The following NSMAF variants were observed in gnomAD, a reference collection of about 807,000 sequenced individuals.
The protein encoded by NSMAF is protein FAN.
Under a neutral mutation model 134.9 loss-of-function variants are expected in NSMAF, and 90 were observed. The ratio of observed to expected loss-of-function variants is 0.67; its 90% confidence interval spans 0.56 to 0.79. NSMAF has a LOEUF of 0.79. NSMAF is among the 30% of genes least tolerant of loss of function. The pLI, the probability that NSMAF is intolerant of heterozygous loss-of-function variation, is 0.00. For missense variants in NSMAF, 1,010 were observed against 1,119.0 expected (o/e 0.90, Z 1.39); for synonymous variants, 358 against 389.6 (o/e 0.92, Z 0.96).
Position 58,584,099 on chromosome 8 carries a change from A to C in NSMAF, c.*7T>G. The C allele has an allele frequency of 6.2e-7, 1 of 1,601,226 alleles. No homozygotes were observed. Among genetic ancestry groups the C allele is most frequent in the Non-Finnish European group, 8.6e-7 (1 of 1,168,250 alleles). ...TTCAATTTAATATTCAGGAGAGGAA[A>C]AGGCACTTAATACTGCAATTTCCAG... On this transcript the variant is annotated 3_prime_UTR_variant, in exon 31 of 31. Coordinates refer to ENST00000038176, the MANE Select transcript of NSMAF (RefSeq NM_003580.4).
chr8:58,659,369 T>C, intron 1 of NSMAF: 1 of 1,523,866 alleles, frequency 6.6e-7, no homozygotes, highest in Non-Finnish European at 8.8e-7. Context: ...CCCGGCAGGC[T>C]CCGGCCCAGA....
At chr8:58,636,037 T>A (rs1227410164) in intron 2 of NSMAF, among the ~76,000 whole-genome samples, 2 of 152,260 alleles carry the variant, frequency 1.3e-5, no homozygotes, top group Non-Finnish European at 2.9e-5. Flanking sequence ...CAATTCTTTC[T>A]CAAAGGGTTT....
Position 58,641,415 on chromosome 8 carries a change from C to T in NSMAF, c.149+1569G>A, listed in dbSNP as rs187746337. ...TTGTTCTTCTGATCCTTCCCCTCTTCTGTGTAGATAACTGTCTCCACTAGC... is the reference window on the plus strand; with the variant it reads ...TTGTTCTTCTGATCCTTCCCCTCTTTTGTGTAGATAACTGTCTCCACTAGC... On this transcript the variant is annotated intron_variant, in intron 2 of 30. Transcript: ENST00000038176. Among the ~76,000 whole-genome samples the T allele has an allele frequency of 1.6e-3, 247 of 152,322 alleles. 1 individual carries two copies. Among genetic ancestry groups the T allele is most frequent in the Middle Eastern group, 6.8e-3 (2 of 294 alleles).
intron 24 of NSMAF, 110 bp downstream of exon 24, chr8:58,590,757 C>T (rs1458545720): frequency 3.8e-5 from 45 of 1,169,744 alleles, no homozygotes; most frequent in Middle Eastern, 5.4e-4. Context: ...AGATTTACTA[C>T]ACAGGAATAA....
At chr8:58,596,135 A>G (rs1184909279) in intron 21 of NSMAF, among the ~76,000 whole-genome samples, 1 of 152,214 alleles carries the variant, frequency 6.6e-6, no homozygotes, top group Non-Finnish European at 1.5e-5. Context: ...TCTTAAAACA[A>G]TCACATGACA....
At position 58,635,225 on chromosome 8, in the gene NSMAF, C is replaced by T. The variant is rs1160413185; in HGVS notation, c.297G>A (p.Lys99=). 5 of 1,611,676 alleles carry T rather than the reference C, an allele frequency of 3.1e-6. No homozygotes were observed. The highest frequency in any genetic ancestry group is 1.3e-5 in the African/African-American group (1 of 74,792). The part of the protein sequence containing the change: ...GENGANRHFT[K]AKSGGISLIF... ...TGAGTGAAATACCCCCAGATTTTGC[C>T]CTAAAATACAGATAAAAGTCATTAA... The change falls in exon 5 of 31, where the codon AAG becomes AAA. Residue 99 remains lysine, a splice_region_variant and synonymous_variant. Transcript: ENST00000038176.
At chr8:58,607,444 C>T (rs1055311335) in intron 11 of NSMAF, among the ~76,000 whole-genome samples, 6 of 152,234 alleles carry the variant, frequency 3.9e-5, no homozygotes, top group African/African-American at 1.4e-4. Flanking sequence ...GAGGCAAGTA[C>T]AGCACAGGGT....
intron 9 of NSMAF, among the ~76,000 whole-genome samples, chr8:58,618,722 T>C (rs748631801): frequency 6.6e-6 from 1 of 152,210 alleles, no homozygotes; most frequent in Non-Finnish European, 1.5e-5. Flanking sequence ...GCCTTCATTG[T>C]ATTAGCGTTT....
intron 2 of NSMAF, 80 bp from the exon 3 acceptor site, chr8:58,635,626 G>C: frequency 1.2e-6 from 1 of 837,522 alleles, no homozygotes; most frequent in Non-Finnish European, 1.9e-6. Flanking sequence ...TAACTAGAAA[G>C]CAGGTTACTA....
chr8:58,607,481 G>A (rs1007567151), intron 11 of NSMAF, among the ~76,000 whole-genome samples: 2 of 152,248 alleles, frequency 1.3e-5, no homozygotes, highest in Admixed American at 1.3e-4. Context: ...ATTCTAGCCT[G>A]AGCCCAGAAA....
chr8:58,612,265 T>A (rs1255322200), intron 9 of NSMAF, among the ~76,000 whole-genome samples: 2 of 152,136 alleles, frequency 1.3e-5, no homozygotes, highest in Non-Finnish European at 2.9e-5. Flanking sequence ...ACTGAGTTAA[T>A]ATTTGACTAT....
At chr8:58,627,996 C>T (rs1806974784) in intron 6 of NSMAF, among the ~76,000 whole-genome samples, 1 of 152,156 alleles carries the variant, frequency 6.6e-6, no homozygotes, top group Non-Finnish European at 1.5e-5. Flanking sequence ...TACTACAATG[C>T]TATAGTTACC....
At chr8:58,631,645 CATT>C in intron 5 of NSMAF, 99 bp from the exon 6 acceptor site, 1 of 633,950 alleles carries the variant, frequency 1.6e-6, no homozygotes, top group Non-Finnish European at 2.6e-6. Flanking sequence ...AGTTTTAAAT[CATT>C]GTTATATAAT....
intron 2 of NSMAF, among the ~76,000 whole-genome samples, chr8:58,642,608 A>T (rs1314094981): frequency 6.6e-6 from 1 of 152,202 alleles, no homozygotes; most frequent in Non-Finnish European, 1.5e-5. Context: ...GATGCAACAA[A>T]AAAATGATGG....
Position 58,602,046 on chromosome 8 carries a change from A to G in NSMAF, c.1125+12T>C, listed in dbSNP as rs1266701246. On this transcript the variant is annotated intron_variant, in intron 14 of 30. Coordinates refer to ENST00000038176, the MANE Select transcript of NSMAF (RefSeq NM_003580.4). ...TGTTGCTTAGAAACCAAGAATCTCT[A>G]AGTCCACATACCAGTAGTCTCTCCA... 1.2e-6 allele frequency: 2 copies of G among 1,602,198 alleles called. No individual in the cohort carries two copies. The highest frequency in any genetic ancestry group is 2.7e-5 in the African/African-American group (2 of 74,426).
Position 58,583,793 on chromosome 8 carries a change from C to A in NSMAF, c.*313G>T. On this transcript the variant is annotated 3_prime_UTR_variant, in exon 31 of 31. Transcript: ENST00000038176. ...TGTTCAGTGCTTTCTGACAAGTTTC[C>A]CCAGCCCAATTTATCTCTTAGCTAT... 1 of 296,326 alleles carries A rather than the reference C, an allele frequency of 3.4e-6. No homozygotes were observed. Among genetic ancestry groups the A allele is most frequent in the Non-Finnish European group, 6.3e-6 (1 of 158,060 alleles). 18.4% of individuals were successfully genotyped at this position (296,326 alleles called of 1,614,324 possible).
chr8:58,596,314 T>G (rs986184946), intron 21 of NSMAF, among the ~76,000 whole-genome samples: 1 of 152,182 alleles, frequency 6.6e-6, no homozygotes, highest in Non-Finnish European at 1.5e-5. Flanking sequence ...TGCTCATCTA[T>G]GTATGCCTAA....
intron 19 of NSMAF, among the ~76,000 whole-genome samples, chr8:58,598,664 CT>C (rs1806198775): frequency 1.3e-5 from 2 of 152,062 alleles, no homozygotes; most frequent in African/African-American, 4.8e-5. Context: ...AAAAAGACCT[CT>C]TGGGGCCAGG....
chr8:58,617,464 G>GA (rs1435192863), intron 9 of NSMAF, among the ~76,000 whole-genome samples: 6 of 152,030 alleles, frequency 3.9e-5, no homozygotes, highest in South Asian at 4.2e-4. Flanking sequence ...AAATTTACAA[G>GA]AAAAAAACAA....
Sources: gnomAD v4.1 joint callset for allele counts (sites outside exome capture counted in the v4.1 genomes callset) on GRCh38, gnomAD v4.1.1 for gene constraint, MANE v1.5 for transcripts, NCBI Gene and HGNC (gene_info 2026-07-23, HGNC 2026-07-21) for gene names.